The following MSH3 variants were observed in gnomAD, a reference collection of about 807,000 sequenced individuals.
The protein encoded by MSH3 is mutS homolog 3, also known as DNA mismatch repair protein Msh3.
A neutral mutation model predicts 123.3 loss-of-function variants in MSH3; 106 were observed. That is an observed-to-expected ratio of 0.86 (90% CI 0.73 to 1.01). The LOEUF is 1.01. Among genes scored for constraint, MSH3 ranks in the 50% least tolerant of loss-of-function variants. The probability of loss-of-function intolerance (pLI) is 0.00; values close to 1 mark genes in which losing one functional copy is unlikely to be tolerated. For missense variants in MSH3, 1,459 were observed against 1,347.6 expected (o/e 1.08, Z -1.29); for synonymous variants, 515 against 481.4 (o/e 1.07, Z -0.91).
At chr5:80,829,793 T>G (rs1249807981) in intron 20 of MSH3, among the ~76,000 whole-genome samples, 1 of 152,208 alleles carries the variant, frequency 6.6e-6, no homozygotes, top group South Asian at 2.1e-4. Context: ...CTGAAACAGA[T>G]TATAGAGAAT....
Position 80,665,309 on chromosome 5 carries a change from A to G in MSH3, c.525A>G (p.Leu175=), listed in dbSNP as rs754571381. The G allele has an allele frequency of 6.2e-7, 1 of 1,613,674 alleles. No homozygotes were observed. Among genetic ancestry groups the G allele is most frequent in the East Asian group, 2.2e-5 (1 of 44,864 alleles). ...CTGATTTTGATGATATCAGTCTTCT[A>G]CACGCAAAGAATGCAGTTTCTTCTG... is the stretch of plus-strand genomic sequence containing the variant. ...KCTDFDDISL[L]HAKNAVSSED... is the part of the protein sequence containing the mutation. The change falls in exon 3 of 24, where the codon CTA becomes CTG. Residue 175 remains leucine, a synonymous_variant. Coordinates refer to ENST00000265081, the MANE Select transcript of MSH3 (RefSeq NM_002439.5).
At chr5:80,819,846 A>G (rs1319564772) in intron 20 of MSH3, among the ~76,000 whole-genome samples, 3 of 152,190 alleles carry the variant, frequency 2.0e-5, no homozygotes, top group Non-Finnish European at 2.9e-5. Context: ...CGTTAGGGAT[A>G]CAAACCTGAA....
At chr5:80,832,580 C>T (rs1198349012) in intron 20 of MSH3, among the ~76,000 whole-genome samples, 2 of 151,260 alleles carry the variant, frequency 1.3e-5, no homozygotes, top group East Asian at 1.9e-4. Context: ...GATTGTCCCA[C>T]TGCACTCCAG....
At chr5:80,698,696 G>A (rs557170112) in intron 8 of MSH3, among the ~76,000 whole-genome samples, 1 of 151,856 alleles carries the variant, frequency 6.6e-6, no homozygotes, top group South Asian at 2.1e-4. Flanking sequence ...GCAAACTGTC[G>A]CAAGGACAAA....
In MSH3 at chr5:80,665,960, T is replaced by C. The variant is rs6151621; in HGVS notation, c.579+597T>C. On this transcript the variant is annotated intron_variant, in intron 3 of 23. Coordinates refer to ENST00000265081, the MANE Select transcript of MSH3 (RefSeq NM_002439.5). ...TTTACATTGGAATCACCTGGAGAACTTCAAACAAAAATTGCCATTAAGAAC... is the reference window on the plus strand; with the variant it reads ...TTTACATTGGAATCACCTGGAGAACCTCAAACAAAAATTGCCATTAAGAAC... 7.8e-3 allele frequency among the ~76,000 whole-genome samples: 1,182 copies of C among 152,338 alleles called. 24 individuals are homozygous for C. The East Asian group carries it at 0.08, about 10-fold the overall frequency.
intron 10 of MSH3, among the ~76,000 whole-genome samples, chr5:80,732,367 C>G (rs548597043): frequency 1.2e-4 from 18 of 151,682 alleles, no homozygotes; most frequent in South Asian, 2.1e-4. Flanking sequence ...ACTGTAAAAC[C>G]TTTTTTTTAA....
At chr5:80,679,548 C>T (rs1364108395) in intron 8 of MSH3, among the ~76,000 whole-genome samples, 3 of 152,182 alleles carry the variant, frequency 2.0e-5, no homozygotes, top group African/African-American at 4.8e-5. Flanking sequence ...TCACTTCTTA[C>T]AAAGTTTATG....
At chr5:80,874,668 T>C (rs1221044616) in intron 23 of MSH3, among the ~76,000 whole-genome samples, 1 of 152,204 alleles carries the variant, frequency 6.6e-6, no homozygotes, top group Non-Finnish European at 1.5e-5. Flanking sequence ...TAATAAAATA[T>C]GTCAATTTCT....
intron 20 of MSH3, among the ~76,000 whole-genome samples, chr5:80,831,983 G>T (rs566589810): frequency 1.3e-5 from 2 of 151,864 alleles, no homozygotes; most frequent in South Asian, 4.2e-4. Context: ...GTGGCGGGGC[G>T]CCTATAGTCC....
intron 18 of MSH3, among the ~76,000 whole-genome samples, chr5:80,792,144 A>G (rs754091091): frequency 7.2e-5 from 11 of 152,332 alleles, no homozygotes; most frequent in Non-Finnish European, 1.5e-4. Flanking sequence ...TATGTGATTT[A>G]CTTTATTGTA....
chr5:80,867,452 A>T (rs1180455265), intron 22 of MSH3, among the ~76,000 whole-genome samples: 1 of 152,206 alleles, frequency 6.6e-6, no homozygotes, highest in South Asian at 2.1e-4. Flanking sequence ...GAATTGAGTA[A>T]CAGGCTCCTT....
At chr5:80,811,982 T>C (rs1331516094) in intron 19 of MSH3, among the ~76,000 whole-genome samples, 1 of 152,198 alleles carries the variant, frequency 6.6e-6, no homozygotes, top group East Asian at 1.9e-4. Flanking sequence ...ATCATTAGTT[T>C]TATCATTCTG....
At chr5:80,737,707 A>C (rs1743537358) in intron 10 of MSH3, among the ~76,000 whole-genome samples, 1 of 152,212 alleles carries the variant, frequency 6.6e-6, no homozygotes, top group Non-Finnish European at 1.5e-5. Flanking sequence ...ATAGGTGCTA[A>C]CAGAAGGAAA....
intron 8 of MSH3, among the ~76,000 whole-genome samples, chr5:80,686,416 C>T (rs1219031479): frequency 6.6e-6 from 1 of 151,106 alleles, no homozygotes; most frequent in Non-Finnish European, 1.5e-5. Flanking sequence ...GATTCTCGTG[C>T]CTCAGCCTCC....
intron 22 of MSH3, among the ~76,000 whole-genome samples, chr5:80,869,963 C>T (rs926533030): frequency 2.0e-5 from 3 of 150,910 alleles, no homozygotes; most frequent in Admixed American, 6.6e-5. Context: ...CACCTGAGGT[C>T]GGGAGTTCAA....
chr5:80,840,143 G>A (rs750011872), intron 20 of MSH3, among the ~76,000 whole-genome samples: 6 of 152,162 alleles, frequency 3.9e-5, no homozygotes, highest in Non-Finnish European at 4.4e-5. Flanking sequence ...TATTACTGGT[G>A]TATTATCTCT....
At chr5:80,711,766 T>G (rs984696955) in intron 8 of MSH3, among the ~76,000 whole-genome samples, 2 of 152,198 alleles carry the variant, frequency 1.3e-5, no homozygotes, top group African/African-American at 4.8e-5. Flanking sequence ...GCGATTCTCC[T>G]GCCTTAGCCC....
intron 12 of MSH3, among the ~76,000 whole-genome samples, chr5:80,757,673 A>G (rs1019788449): frequency 1.9e-4 from 29 of 152,282 alleles, no homozygotes; most frequent in African/African-American, 6.0e-4. Flanking sequence ...GTAGAATACT[A>G]TCAGTCATCT....
At chr5:80,721,483 C>T (rs1236139125) in intron 8 of MSH3, among the ~76,000 whole-genome samples, 2 of 152,108 alleles carry the variant, frequency 1.3e-5, no homozygotes, top group East Asian at 3.8e-4. Context: ...TCCTACTGTG[C>T]TTTCCAGTGA....
Sources: gnomAD v4.1 joint callset for allele counts (sites outside exome capture counted in the v4.1 genomes callset) on GRCh38, gnomAD v4.1.1 for gene constraint, MANE v1.5 for transcripts, NCBI Gene and HGNC (gene_info 2026-07-23, HGNC 2026-07-21) for gene names.